SPON2: variants seen among roughly 807,000 people sequenced by gnomAD.
The protein encoded by SPON2 is spondin-2.
Under a neutral mutation model 29.9 loss-of-function variants are expected in SPON2, and 32 were observed. That is an observed-to-expected ratio of 1.07 (90% CI 0.81 to 1.44). The LOEUF (loss-of-function observed/expected upper bound fraction) is 1.44. SPON2 is among the 40% of genes most tolerant of loss of function. The pLI, the probability that SPON2 is intolerant of heterozygous loss-of-function variation, is 0.00. For synonymous variants in SPON2, 248 were observed against 209.1 expected, an observed-to-expected ratio of 1.19 and a Z score of -1.61; for missense variants, 541 against 455.5, an observed-to-expected ratio of 1.19 and a Z score of -1.71.
chr4:1,188,642 T>G (rs1420025128), intron 1 of SPON2, among the ~76,000 whole-genome samples: 2 of 152,192 alleles, frequency 1.3e-5, no homozygotes, highest in African/African-American at 4.8e-5. Flanking sequence ...TATCAACATA[T>G]GTGCACCTGA....
intron 1 of SPON2, among the ~76,000 whole-genome samples, chr4:1,191,355 T>C (rs1226513415): frequency 3.9e-5 from 6 of 152,226 alleles, no homozygotes; most frequent in Non-Finnish European, 8.8e-5. Context: ...AGTCACTCAC[T>C]TGAGGAGAGA....
rs1165821504 is a variant in SPON2 at position 1,190,282 on chromosome 4, G to GA, written c.-239+4707dup. 7.4e-4 allele frequency among the ~76,000 whole-genome samples: 99 copies of GA among 133,366 alleles called. 1 individual carries two copies. The highest frequency in any genetic ancestry group is 1.9e-3 in the South Asian group (8 of 4,192). The allele number at this position is 133,366 out of a possible 152,430, so 87.5% of individuals were successfully genotyped here. On this transcript the variant is annotated intron_variant, in intron 1 of 3. Transcript: ENST00000502483. ...AACACAAATGAAGAGATTGAAGTAG[G>GA]AAAAAAAAAAACAAACAAAAAAAAA... is the stretch of plus-strand genomic sequence containing the variant.
upstream of SPON2, among the ~76,000 whole-genome samples, chr4:1,176,604 T>C (rs1350416188): frequency 6.9e-6 from 1 of 144,594 alleles, no homozygotes; most frequent in Admixed American, 6.7e-5. Context: ...CAATCATCCA[T>C]TCACACAGTA....
At chr4:1,206,288 G>A (rs1240510866) in intron 1 of SPON2, among the ~76,000 whole-genome samples, 1 of 152,152 alleles carries the variant, frequency 6.6e-6, no homozygotes, top group Non-Finnish European at 1.5e-5. Context: ...AGGGTCTGCG[G>A]GTGCCACTCA....
At chr4:1,176,466 A>C (rs1325493367), upstream of SPON2, among the ~76,000 whole-genome samples, 2 of 152,200 alleles carry the variant, frequency 1.3e-5, no homozygotes, top group Non-Finnish European at 1.5e-5. Context: ...CACACAGTAC[A>C]TTCATTCATC....
At chr4:1,169,478 C>G (rs1398842283) in intron 5 of SPON2, among the ~76,000 whole-genome samples, 1 of 152,170 alleles carries the variant, frequency 6.6e-6, no homozygotes, top group African/African-American at 2.4e-5. Context: ...TCCCGCCAGC[C>G]AGGCGGCCTC....
At chr4:1,201,783 CTG>C (rs1215435132) in intron 1 of SPON2, among the ~76,000 whole-genome samples, 1 of 152,054 alleles carries the variant, frequency 6.6e-6, no homozygotes, top group East Asian at 1.9e-4. Context: ...CGGGGTTTCA[CTG>C]TGTTAGTCAG....
rs1727267508 is a variant in SPON2 at position 1,167,304 on chromosome 4, G to A, written c.*168C>T. The A allele has an allele frequency of 1.5e-6, 1 of 646,548 alleles. No homozygotes were observed. The highest frequency in any genetic ancestry group is 2.5e-6 in the Non-Finnish European group (1 of 398,268). 40.1% of individuals were successfully genotyped at this position (646,548 alleles called of 1,614,324 possible). A position where few individuals can be genotyped will look rare whatever the true frequency, so the allele number is the denominator to read the frequency against. On this transcript the variant is annotated 3_prime_UTR_variant, in exon 6 of 6. Coordinates refer to ENST00000290902, the MANE Select transcript of SPON2 (RefSeq NM_012445.4). ...GAGGAGGCTGTTTCCCAATGCCCGT[G>A]CCGGCCACCAGAGGGCCCTTCAGTG...
chr4:1,195,087 G>GC (rs1233025579), exon 1 of SPON2: 4 of 131,186 alleles, frequency 3.0e-5, no homozygotes, highest in Non-Finnish European at 4.9e-5. Flanking sequence ...GCAGCCGGCG[G>GC]CTCCAACCCC....
chr4:1,170,784 C>G, intron 4 of SPON2: 1 of 942,040 alleles, frequency 1.1e-6, no homozygotes, highest in Non-Finnish European at 1.7e-6. Context: ...GGACGCGCGT[C>G]CCGCTGTCCT....
rs1314495538 is a variant in SPON2 at position 1,167,626 on chromosome 4, GAGACCTCGC to G, written c.833_841del (p.Cys278_Val280del). 1 of 1,611,590 alleles carries G rather than the reference GAGACCTCGC, an allele frequency of 6.2e-7. No homozygotes were observed. The highest frequency in any genetic ancestry group is 2.2e-5 in the East Asian group (1 of 44,812). On this transcript the variant is annotated inframe_deletion, in exon 6 of 6. Transcript: ENST00000290902. ...GCACAGTCCCCAGGACGACCACAGG[GAGACCTCGC>G]AGTCCAGCGGCGTTTCTGGAACTGG...
intron 1 of SPON2, among the ~76,000 whole-genome samples, chr4:1,204,079 C>T (rs1356959268): frequency 6.6e-6 from 1 of 152,128 alleles, no homozygotes; most frequent in East Asian, 1.9e-4. Flanking sequence ...ACCACGTTGG[C>T]CAGGCTGGTC....
Position 1,171,372 on chromosome 4 carries a change from G to A in SPON2, c.335C>T (p.Ala112Val), listed in dbSNP as rs1296149046. 6.2e-7 allele frequency: 1 copy of A among 1,611,860 alleles called. No homozygotes were observed. The highest frequency in any genetic ancestry group is 2.2e-5 in the East Asian group (1 of 44,858). ...CACGCTCTGCAGCGCCTCCCCCGCC[G>A]CCTCGATCTCCTTCATCAGCGCCCA... ...EAWALMKEIE[A>V]AGEALQSVHA... The change falls in exon 3 of 6, where the codon GCG becomes GTG. Residue 112 changes from alanine to valine, a missense_variant. By Grantham distance (64) the Ala-to-Val change is moderately conservative. Coordinates refer to ENST00000290902, the MANE Select transcript of SPON2 (RefSeq NM_012445.4).
At chr4:1,194,441 G>A (rs868710995) in intron 1 of SPON2, among the ~76,000 whole-genome samples, 11 of 152,288 alleles carry the variant, frequency 7.2e-5, no homozygotes, top group East Asian at 1.9e-4. Context: ...CGGATGGAGC[G>A]GCTGGCGTGC....
rs971510359 is a variant in SPON2 at position 1,183,249 on chromosome 4, A to AC, written c.-238-3709_-238-3708insG. Among the ~76,000 whole-genome samples the AC allele has an allele frequency of 4.2e-4, 63 of 151,168 alleles. 1 individual carries two copies. Among genetic ancestry groups the AC allele is most frequent in the African/African-American group, 8.8e-4 (36 of 40,952 alleles). On this transcript the variant is annotated intron_variant, in intron 1 of 3. Transcript: ENST00000502483. ...AAGAGTGAAACTCCATCAAAAAAAA[A>AC]AAAAAACAAAAAAGAAAGAGAGAGA...
Position 1,170,519 on chromosome 4 carries a change from CCTT to C in SPON2, c.691_693del (p.Lys231del). 1 of 1,613,952 alleles carries C rather than the reference CCTT, an allele frequency of 6.2e-7. No individual in the cohort carries two copies. The highest frequency in any genetic ancestry group is 8.5e-7 in the Non-Finnish European group (1 of 1,179,920). ...GTCACCCTGGCGATGGGAGGCAGGGCCTTCAGCCGCGGGTAGTAGAAGGAGTTG... is the reference window on the plus strand; with the variant it reads ...GTCACCCTGGCGATGGGAGGCAGGGCCAGCCGCGGGTAGTAGAAGGAGTTG... On this transcript the variant is annotated inframe_deletion, in exon 5 of 6. Coordinates refer to ENST00000290902, the MANE Select transcript of SPON2 (RefSeq NM_012445.4).
At chr4:1,203,962 C>T (rs755627181) in intron 1 of SPON2, among the ~76,000 whole-genome samples, 3 of 152,144 alleles carry the variant, frequency 2.0e-5, no homozygotes, top group Non-Finnish European at 4.4e-5. Context: ...CCTCTGCCTC[C>T]CAGGTTCAAG....
At chr4:1,175,275 C>CA (rs1727570297), upstream of SPON2, among the ~76,000 whole-genome samples, 1 of 152,242 alleles carries the variant, frequency 6.6e-6, no homozygotes, top group African/African-American at 2.4e-5. Context: ...GGGTGCCGCT[C>CA]CAGAGACTCG....
intron 1 of SPON2, among the ~76,000 whole-genome samples, chr4:1,206,599 C>T (rs368181925): frequency 1.8e-4 from 27 of 152,236 alleles, no homozygotes; most frequent in Admixed American, 3.9e-4. Context: ...CCTCAGGGAA[C>T]GGGGACCCAG....
Sources: allele counts gnomAD v4.1 joint callset (sites outside exome capture counted in the v4.1 genomes callset), GRCh38; gene constraint gnomAD v4.1.1; transcripts MANE v1.5; gene names NCBI Gene and HGNC (gene_info 2026-07-23, HGNC 2026-07-21).